Variants in TPH2 observed in about 807,000 individuals in gnomAD.
The protein encoded by TPH2 is tryptophan hydroxylase 2, also known as tryptophan 5-hydroxylase 2.
In TPH2, 27 loss-of-function variants were observed where a neutral mutation model predicts 59.1. The observed-to-expected ratio is 0.46, with a 90% CI of 0.34 to 0.63. The LOEUF is 0.63. TPH2 is among the 30% of genes least tolerant of loss of function. The probability of loss-of-function intolerance (pLI) is 0.01; values close to 1 mark genes in which losing one functional copy is unlikely to be tolerated. For missense variants in TPH2, 523 were observed against 588.3 expected, an observed-to-expected ratio of 0.89 and a Z score of 1.15; for synonymous variants, 220 against 210.5, an observed-to-expected ratio of 1.05 and a Z score of -0.39.
intron 5 of TPH2, among the ~76,000 whole-genome samples, chr12:71,952,693 C>T (rs1390147560): frequency 6.6e-6 from 1 of 152,086 alleles, no homozygotes; most frequent in African/African-American, 2.4e-5. Flanking sequence ...CATTGGACTC[C>T]AATAGTCTGG....
At chr12:71,975,916 C>T (rs1446191185) in intron 6 of TPH2, among the ~76,000 whole-genome samples, 1 of 152,224 alleles carries the variant, frequency 6.6e-6, no homozygotes, top group Non-Finnish European at 1.5e-5. Flanking sequence ...CCAAGAGCTC[C>T]TTATATCGAG....
At chr12:71,983,767 G>C (rs377758763) in intron 7 of TPH2, among the ~76,000 whole-genome samples, 8 of 147,166 alleles carry the variant, frequency 5.4e-5, no homozygotes, top group East Asian at 2.0e-4. Flanking sequence ...CAGACAGACA[G>C]ACACACACAG....
At chr12:71,960,575 T>G (rs1871651110) in intron 5 of TPH2, among the ~76,000 whole-genome samples, 1 of 152,222 alleles carries the variant, frequency 6.6e-6, no homozygotes, top group African/African-American at 2.4e-5. Flanking sequence ...AAAATTGATT[T>G]GGAAAAGGTT....
In TPH2 at chr12:72,004,045, C is replaced by T. The variant is rs1361662169; in HGVS notation, c.1068+9480C>T. Among the ~76,000 whole-genome samples the T allele has an allele frequency of 2.0e-5, 3 of 151,122 alleles. No homozygotes were observed. The Admixed American group carries it at 2.0e-4, about 10-fold the overall frequency. ...TGCTTTGCACACACTTCATTTTATC[C>T]ATGCAGAAGCACCATAGTCAACAGC... On this transcript the variant is annotated intron_variant, in intron 8 of 10. Coordinates refer to ENST00000333850, the MANE Select transcript of TPH2 (RefSeq NM_173353.4).
intron 5 of TPH2, 68 bp downstream of exon 5, chr12:71,949,723 C>T: frequency 7.6e-7 from 1 of 1,321,092 alleles, no homozygotes; most frequent in Non-Finnish European, 1.1e-6. Context: ...GTTAAACAAA[C>T]CTGTCATCTC....
chr12:71,946,170 CA>C (rs1451048988), intron 4 of TPH2, among the ~76,000 whole-genome samples: 1 of 152,108 alleles, frequency 6.6e-6, no homozygotes, highest in African/African-American at 2.4e-5. Context: ...TTACTGACCT[CA>C]AAGGGGTGTT....
intron 9 of TPH2, 37 bp downstream of exon 9, chr12:72,022,531 A>G: frequency 7.0e-7 from 1 of 1,429,898 alleles, no homozygotes; most frequent in Non-Finnish European, 9.9e-7. Flanking sequence ...TTCCCATGCA[A>G]ACTGGTTCAA....
intron 4 of TPH2, among the ~76,000 whole-genome samples, chr12:71,947,770 G>A (rs74104729): frequency 2.1e-3 from 323 of 152,064 alleles, no homozygotes; most frequent in African/African-American, 6.7e-3. Context: ...CAACATTTGC[G>A]TAATCACCGC....
intron 5 of TPH2, among the ~76,000 whole-genome samples, chr12:71,950,424 T>A (rs1438854965): frequency 6.6e-6 from 1 of 151,976 alleles, no homozygotes; most frequent in Non-Finnish European, 1.5e-5. Flanking sequence ...TGTTCTCTGG[T>A]GGGCAGAGTG....
chr12:71,973,247 A>C (rs550750615), intron 6 of TPH2, among the ~76,000 whole-genome samples: 1 of 152,292 alleles, frequency 6.6e-6, no homozygotes, highest in African/African-American at 2.4e-5. Flanking sequence ...AAGGCATTCT[A>C]AGTCACAGGA....
rs1320613295 is a variant in TPH2, at chr12:71,945,297, A to G, written c.540+611A>G. 2.0e-5 allele frequency among the ~76,000 whole-genome samples: 3 copies of G among 152,160 alleles called. No homozygotes were observed. In the East Asian group the frequency reaches 5.8e-4, roughly 29 times the overall value. ...TATGATACTTGGGTAAGCATTTCCCATTATTCTCCCCTTCCCCCTTTTACA... is the reference window on the plus strand; with the variant it reads ...TATGATACTTGGGTAAGCATTTCCCGTTATTCTCCCCTTCCCCCTTTTACA... On this transcript the variant is annotated intron_variant, in intron 4 of 10. Coordinates refer to ENST00000333850, the MANE Select transcript of TPH2 (RefSeq NM_173353.4).
At chr12:72,014,940 CG>C in intron 8 of TPH2, among the ~76,000 whole-genome samples, 1 of 152,080 alleles carries the variant, frequency 6.6e-6, no homozygotes, top group Non-Finnish European at 1.5e-5. Context: ...TGGTTCCCAA[CG>C]TTGATTTTTA....
At chr12:72,016,253 C>A (rs1258055640) in intron 8 of TPH2, among the ~76,000 whole-genome samples, 2 of 152,212 alleles carry the variant, frequency 1.3e-5, no homozygotes, top group South Asian at 4.1e-4. Context: ...CTATTATTTT[C>A]ATATTTCTAT....
At chr12:71,998,537 A>T (rs989770975) in intron 8 of TPH2, among the ~76,000 whole-genome samples, 3 of 152,208 alleles carry the variant, frequency 2.0e-5, no homozygotes, top group Non-Finnish European at 4.4e-5. Flanking sequence ...AGCCAATTTC[A>T]AAGTAAGCCC....
At chr12:72,021,065 T>C (rs1487443267) in intron 8 of TPH2, among the ~76,000 whole-genome samples, 1 of 150,512 alleles carries the variant, frequency 6.6e-6, no homozygotes, top group Non-Finnish European at 1.5e-5. Context: ...TTTAAATTCC[T>C]TTCTTAACAC....
chr12:72,025,327 T>C (rs933239808), intron 9 of TPH2, among the ~76,000 whole-genome samples: 1 of 152,158 alleles, frequency 6.6e-6, no homozygotes, highest in Non-Finnish European at 1.5e-5. Context: ...GAGGTTTTGG[T>C]GTCACCTTTA....
intron 7 of TPH2, among the ~76,000 whole-genome samples, chr12:71,983,739 AAGAG>A (rs371686732): frequency 2.0e-5 from 3 of 150,568 alleles, no homozygotes; most frequent in Admixed American, 6.6e-5. Context: ...CAGAGAGAGA[AAGAG>A]AGAGAGAGAG....
chr12:72,031,335 C>G lies in TPH2; in HGVS notation c.1242C>G (p.Thr414=). ...GCTTACAGGAATGCCTTATCACCAC[C>G]TTCCAGGAAGCCTACTTTGTTTCAG... ...TTCLQECLIT[T]FQEAYFVSES... Residue 414 remains threonine (T), a synonymous_variant, in exon 10 of 11, where the codon ACC becomes ACG. Coordinates refer to ENST00000333850, the MANE Select transcript of TPH2 (RefSeq NM_173353.4). The G allele has an allele frequency of 6.2e-7, 1 of 1,613,752 alleles. No individual in the cohort carries two copies. Among genetic ancestry groups the G allele is most frequent in the Non-Finnish European group, 8.5e-7 (1 of 1,179,684 alleles).
At chr12:72,010,682 G>A (rs1253418930) in intron 8 of TPH2, among the ~76,000 whole-genome samples, 1 of 151,974 alleles carries the variant, frequency 6.6e-6, no homozygotes, top group African/African-American at 2.4e-5. Context: ...TGTCTAGGAG[G>A]GTGTTGCTTT....
Sources: allele counts gnomAD v4.1 joint callset (sites outside exome capture counted in the v4.1 genomes callset), GRCh38; gene constraint gnomAD v4.1.1; transcripts MANE v1.5; gene names NCBI Gene and HGNC (gene_info 2026-07-23, HGNC 2026-07-21).